STIM1: variants seen among roughly 807,000 people sequenced by gnomAD.
The protein encoded by STIM1 is stromal interaction molecule 1.
A neutral mutation model predicts 74.7 loss-of-function variants in STIM1; 25 were observed. The ratio of observed to expected loss-of-function variants is 0.33; its 90% CI spans 0.24 to 0.47. The LOEUF is 0.47. Among genes scored for constraint, STIM1 ranks in the 20% least tolerant of loss-of-function variants. The pLI is 1.00. For missense variants in STIM1, 728 were observed against 920.8 expected (o/e 0.79, Z 2.71); for synonymous variants, 328 against 348.8 (o/e 0.94, Z 0.66).
rs193117427 is a variant in STIM1 at position 3,866,677 on chromosome 11, G to A, written c.139+10268G>A. On this transcript the variant is annotated intron_variant, in intron 1 of 12. Transcript: ENST00000526596. ...CCTGACCTTGCGATCCGCCTGCCTC[G>A]GCCTCTCAAGATATGTCTTTTACAG... Among the ~76,000 whole-genome samples, 860 of 151,906 alleles carry A rather than the reference G, an allele frequency of 5.7e-3. 5 individuals are homozygous for A. The highest frequency in any genetic ancestry group is 7.9e-3 in the Non-Finnish European group (536 of 67,932).
At chr11:3,960,587 A>G (rs2093274987) in intron 1 of STIM1, among the ~76,000 whole-genome samples, 1 of 152,220 alleles carries the variant, frequency 6.6e-6, no homozygotes, top group Admixed American at 6.5e-5. Flanking sequence ...TTAATGTTAG[A>G]GGGTACAAAA....
chr11:4,086,776 T>A, intron 12 of STIM1: 2 of 1,536,800 alleles, frequency 1.3e-6, no homozygotes, highest in South Asian at 2.4e-5. Context: ...CCACAGCACT[T>A]CCTATTTCCT....
intron 5 of STIM1, among the ~76,000 whole-genome samples, chr11:4,063,674 T>C (rs993493660): frequency 6.6e-5 from 10 of 152,198 alleles, no homozygotes; most frequent in Admixed American, 4.6e-4. Context: ...CCTGAACAGC[T>C]TTTTTTGTAG....
chr11:3,991,968 A>G (rs1393091458), intron 2 of STIM1, among the ~76,000 whole-genome samples: 19 of 108,476 alleles, frequency 1.8e-4, no homozygotes, highest in African/African-American at 4.9e-4. Context: ...AAAAAAAAAA[A>G]AAAAGAAAAA....
chr11:3,929,871 A>G (rs1469872544), intron 1 of STIM1, among the ~76,000 whole-genome samples: 2 of 152,188 alleles, frequency 1.3e-5, no homozygotes, highest in Non-Finnish European at 2.9e-5. Flanking sequence ...CTCTCTGGAC[A>G]CGTGACTGGT....
intron 1 of STIM1, among the ~76,000 whole-genome samples, chr11:3,957,713 A>C (rs2093233422): frequency 6.6e-6 from 1 of 152,034 alleles, no homozygotes; most frequent in East Asian, 1.9e-4. Context: ...ACACTAGCAC[A>C]CTGGGCTAAT....
intron 1 of STIM1, among the ~76,000 whole-genome samples, chr11:3,912,563 G>A (rs553332507): frequency 1.6e-4 from 25 of 151,940 alleles, no homozygotes; most frequent in African/African-American, 5.5e-4. Context: ...ATGGGGTTTC[G>A]CCATGTTGGC....
chr11:4,065,918 G>A (rs929599364), intron 5 of STIM1, among the ~76,000 whole-genome samples: 1 of 152,270 alleles, frequency 6.6e-6, no homozygotes, highest in East Asian at 1.9e-4. Context: ...AGTGGACAGG[G>A]TGGAGAGAAT....
chr11:3,867,094 C>T (rs2090888958), intron 1 of STIM1: 2 of 152,094 alleles, frequency 1.3e-5, no homozygotes, highest in African/African-American at 2.4e-5. Context: ...GACATCAGTT[C>T]CTGTAAAACT....
At chr11:3,994,845 A>C (rs374497495) in intron 2 of STIM1, among the ~76,000 whole-genome samples, 2 of 151,338 alleles carry the variant, frequency 1.3e-5, no homozygotes, top group Non-Finnish European at 2.9e-5. Context: ...CTTTTTCTCT[A>C]TGTTTTTAGG....
intron 2 of STIM1, among the ~76,000 whole-genome samples, chr11:4,016,318 T>C (rs56758577): frequency 0.01 from 1,547 of 152,356 alleles, 18 homozygotes; most frequent in African/African-American, 0.034. Context: ...GCTGCATGTC[T>C]GTTGGAGTTG....
intron 5 of STIM1, among the ~76,000 whole-genome samples, chr11:4,060,943 C>T (rs1169535493): frequency 6.6e-6 from 1 of 152,152 alleles, no homozygotes; most frequent in Non-Finnish European, 1.5e-5. Context: ...TTATTAAACT[C>T]TCCCTATGTT....
intron 2 of STIM1, among the ~76,000 whole-genome samples, chr11:4,016,135 T>C (rs1008608410): frequency 2.0e-5 from 3 of 152,214 alleles, no homozygotes; most frequent in Non-Finnish European, 4.4e-5. Flanking sequence ...TTCCAGTTTT[T>C]GGAATTTTCA....
chr11:3,992,500 A>G (rs566671799), intron 2 of STIM1, among the ~76,000 whole-genome samples: 10 of 152,260 alleles, frequency 6.6e-5, no homozygotes, highest in African/African-American at 2.4e-4. Flanking sequence ...AGTTCTTTAT[A>G]TATTTTAGGT....
Position 3,856,240 on chromosome 11 carries a change from A to T in STIM1, c.-31A>T. On this transcript the variant is annotated 5_prime_UTR_variant, in exon 1 of 13. Transcript: ENST00000526596. ...GCCTCTGGGATCCCGAGGTGTCCAC[A>T]TCAGACGCATGTTGACTGAGACCTA... 6.2e-7 allele frequency: 1 copy of T among 1,613,798 alleles called. No homozygotes were observed. The highest frequency in any genetic ancestry group is 8.5e-7 in the Non-Finnish European group (1 of 1,180,000).
intron 1 of STIM1, among the ~76,000 whole-genome samples, chr11:3,943,994 T>G (rs2093042095): frequency 6.6e-6 from 1 of 152,274 alleles, no homozygotes; most frequent in Admixed American, 6.5e-5. Context: ...AGAGATTTTT[T>G]TTTTAAGTTG....
At position 4,024,281 on chromosome 11, in the gene STIM1, C is replaced by CT. The variant is rs1263719729; in HGVS notation, c.385+297dup. ...CATAGGAATCTTCCAGGTTCTGCTG[C>CT]TTTATCTCCAGAGATAGGGAGCTTG... On this transcript the variant is annotated intron_variant, in intron 3 of 12. Transcript: ENST00000526596. Among the ~76,000 whole-genome samples the CT allele has an allele frequency of 1.2e-4, 18 of 152,094 alleles. 1 individual carries two copies. Among genetic ancestry groups the CT allele is most frequent in the African/African-American group, 4.1e-4 (17 of 41,406 alleles).
intron 1 of STIM1, among the ~76,000 whole-genome samples, chr11:3,928,166 A>G (rs1261906943): frequency 6.6e-6 from 1 of 151,884 alleles, no homozygotes; most frequent in African/African-American, 2.4e-5. Flanking sequence ...TGATCTCCCT[A>G]AGGAAGGACA....
intron 2 of STIM1, among the ~76,000 whole-genome samples, chr11:4,018,636 ACT>A (rs1169389463): frequency 7.3e-6 from 1 of 137,280 alleles, no homozygotes; most frequent in East Asian, 2.0e-4. Flanking sequence ...TAAGAATGAA[ACT>A]CTGTCTCAAA....
Sources: gnomAD v4.1 joint callset for allele counts (sites outside exome capture counted in the v4.1 genomes callset) on GRCh38, gnomAD v4.1.1 for gene constraint, MANE v1.5 for transcripts, NCBI Gene and HGNC (gene_info 2026-07-23, HGNC 2026-07-21) for gene names.